Variants in RAPGEF4 observed in about 807,000 individuals in gnomAD.
RAPGEF4 encodes RAP guanine-nucleotide-exchange factor (GEF) 4.
A neutral mutation model predicts 147.9 loss-of-function variants in RAPGEF4; 66 were observed. The observed-to-expected ratio is 0.45, with a 90% CI of 0.37 to 0.55. The LOEUF (loss-of-function observed/expected upper bound fraction) is 0.55. RAPGEF4 is among the 20% of genes least tolerant of loss of function. RAPGEF4 has a pLI of 0.00. For synonymous variants in RAPGEF4, 419 were observed against 442.7 expected (o/e 0.95, Z 0.67); for missense variants, 1,071 against 1,257.3 (o/e 0.85, Z 2.24).
intron 6 of RAPGEF4, among the ~76,000 whole-genome samples, chr2:172,951,798 G>T (rs1339085264): frequency 2.0e-5 from 3 of 152,192 alleles, no homozygotes; most frequent in Non-Finnish European, 2.9e-5. Context: ...GGAGTGGGAA[G>T]AGAAGCCATT....
At chr2:172,813,109 A>G (rs1199963315) in intron 3 of RAPGEF4, among the ~76,000 whole-genome samples, 1 of 152,208 alleles carries the variant, frequency 6.6e-6, no homozygotes, top group Non-Finnish European at 1.5e-5. Context: ...GCAATTTGCT[A>G]TGGTTGAAGG....
intron 4 of RAPGEF4, chr2:172,821,436 T>C (rs933546362): frequency 3.1e-5 from 11 of 353,330 alleles, no homozygotes; most frequent in African/African-American, 6.7e-5. Context: ...GCTTGTACTG[T>C]AGGGTTACTT....
chr2:172,747,800 C>A (rs1270867608), intron 1 of RAPGEF4, among the ~76,000 whole-genome samples: 1 of 152,120 alleles, frequency 6.6e-6, no homozygotes, highest in Non-Finnish European at 1.5e-5. Flanking sequence ...AACTTTGTAC[C>A]CCTTGACCAA....
At chr2:172,899,119 A>G (rs1698810538) in intron 4 of RAPGEF4, among the ~76,000 whole-genome samples, 1 of 152,256 alleles carries the variant, frequency 6.6e-6, no homozygotes, top group South Asian at 2.1e-4. Context: ...ACTGAAAAAC[A>G]CACATTCATG....
Position 173,011,852 on chromosome 2 carries a change from CA to C in RAPGEF4, c.1659-2599del, listed in dbSNP as rs35418559. Among the ~76,000 whole-genome samples the C allele has an allele frequency of 1.2e-3, 170 of 143,410 alleles. 2 individuals are homozygous for C. The highest frequency in any genetic ancestry group is 2.9e-3 in the African/African-American group (114 of 39,132). 94.1% of individuals were successfully genotyped at this position (143,410 alleles called of 152,430 possible). ...AAAACCACATTAGCAGACTCCGTCT[CA>C]AAAAAAAAAAAACCACATTAGCACC... On this transcript the variant is annotated intron_variant, in intron 17 of 30. Transcript: ENST00000397081.
At chr2:172,826,239 T>C (rs1435999969) in intron 4 of RAPGEF4, among the ~76,000 whole-genome samples, 1 of 152,240 alleles carries the variant, frequency 6.6e-6, no homozygotes, top group African/African-American at 2.4e-5. Flanking sequence ...TTTTCTGAGG[T>C]TAGAGAAGCG....
chr2:173,028,726 G>GACT (rs1696898155), intron 25 of RAPGEF4, among the ~76,000 whole-genome samples: 2 of 117,262 alleles, frequency 1.7e-5, no homozygotes, highest in Non-Finnish European at 3.8e-5. Context: ...AGCTGAAGAA[G>GACT]ACTGTAGACT....
chr2:172,879,180 G>A (rs1696320457), intron 4 of RAPGEF4, among the ~76,000 whole-genome samples: 2 of 152,172 alleles, frequency 1.3e-5, no homozygotes, highest in African/African-American at 4.8e-5. Flanking sequence ...TAAAGGACTA[G>A]TTAAGTAAAT....
intron 4 of RAPGEF4, among the ~76,000 whole-genome samples, chr2:172,829,993 T>G (rs1300489242): frequency 1.3e-5 from 2 of 151,980 alleles, no homozygotes; most frequent in Non-Finnish European, 2.9e-5. Context: ...ATACATATAT[T>G]AATGGATGCA....
chr2:172,969,462 C>T (rs114908109), intron 10 of RAPGEF4, among the ~76,000 whole-genome samples: 285 of 152,268 alleles, frequency 1.9e-3, no homozygotes, highest in African/African-American at 6.5e-3. Context: ...TTAGTAAGGC[C>T]GTATCCCTAG....
At chr2:173,030,064 C>T (rs1020986753) in intron 25 of RAPGEF4, 100 bp from the exon 26 acceptor site, 1 of 759,580 alleles carries the variant, frequency 1.3e-6, no homozygotes, top group Admixed American at 2.1e-5. Flanking sequence ...CATAAATGAG[C>T]CCTGACAAAT....
intron 1 of RAPGEF4, among the ~76,000 whole-genome samples, chr2:172,757,809 A>G (rs1559025686): frequency 6.6e-6 from 1 of 152,226 alleles, no homozygotes; most frequent in Non-Finnish European, 1.5e-5. Context: ...TAGTTGAGGC[A>G]TTACTGTAAT....
In RAPGEF4 at chr2:172,736,006, A is replaced by G. The variant is rs1375983141; in HGVS notation, c.23A>G (p.His8Arg). The G allele has an allele frequency of 1.4e-5, 21 of 1,479,816 alleles. No individual in the cohort carries two copies. Among genetic ancestry groups the G allele is most frequent in the Non-Finnish European group, 1.9e-5 (21 of 1,113,696 alleles). 91.7% of individuals were successfully genotyped at this position (1,479,816 alleles called of 1,614,324 possible). Residue 8 changes from histidine to arginine, a missense_variant, in exon 1 of 31, where the codon CAT becomes CGT. By Grantham distance (29) the His-to-Arg change is conservative. Transcript: ENST00000397081. ...AACATGGTCGCTGCGCACGCTGCCC[A>G]TTCTTCCTCCTCTGCCGAGTGGATC... MVAAHAA[H>R]SSSSAEWIAC...
chr2:172,956,518 G>A (rs1688751498), intron 6 of RAPGEF4, among the ~76,000 whole-genome samples: 1 of 143,396 alleles, frequency 7.0e-6, no homozygotes, highest in Admixed American at 7.2e-5. Context: ...CGCCCAGGCT[G>A]GAGTGCAGTG....
chr2:172,876,194 A>G (rs1695898251), intron 4 of RAPGEF4, among the ~76,000 whole-genome samples: 1 of 152,138 alleles, frequency 6.6e-6, no homozygotes. Context: ...TCATCTGCAA[A>G]CAGGGACAAT....
chr2:172,983,117 A>G (rs2258918), intron 10 of RAPGEF4, among the ~76,000 whole-genome samples: 83,155 of 152,050 alleles, frequency 0.55, 24,046 homozygotes, highest in East Asian at 0.89. Context: ...GATTATACCA[A>G]TTGTTTCTAG....
intron 4 of RAPGEF4, among the ~76,000 whole-genome samples, chr2:172,877,455 C>G (rs1696093723): frequency 1.3e-5 from 2 of 150,190 alleles, no homozygotes; most frequent in African/African-American, 4.9e-5. Context: ...ACCATGCATA[C>G]AAACCACCAT....
chr2:172,914,724 T>G (rs1238946313), intron 4 of RAPGEF4, among the ~76,000 whole-genome samples: 1 of 152,218 alleles, frequency 6.6e-6, no homozygotes, highest in East Asian at 1.9e-4. Flanking sequence ...GGTTGTATCA[T>G]TTTACACTGC....
chr2:173,027,018 A>G (rs1696728761), intron 24 of RAPGEF4, 63 bp from the exon 25 acceptor site: 1 of 1,413,988 alleles, frequency 7.1e-7, no homozygotes, highest in Non-Finnish European at 9.5e-7. Context: ...TGACAAATAG[A>G]GAAACCTGCT....
Sources: allele counts gnomAD v4.1 joint callset (sites outside exome capture counted in the v4.1 genomes callset), GRCh38; gene constraint gnomAD v4.1.1; transcripts MANE v1.5; gene names NCBI Gene and HGNC (gene_info 2026-07-23, HGNC 2026-07-21).